The following SGK1 variants were observed in gnomAD, a reference collection of about 807,000 sequenced individuals.
SGK1 encodes serine/threonine-protein kinase Sgk1.
In SGK1, 26 loss-of-function variants were observed where a neutral mutation model predicts 64.2. The ratio of observed to expected loss-of-function variants is 0.40; its 90% CI spans 0.30 to 0.56. SGK1 has a LOEUF of 0.56. Ranked by LOEUF, SGK1 falls within the 20% of genes least tolerant of loss-of-function variation. SGK1 has a pLI of 0.38. For synonymous variants in SGK1, 265 were observed against 239.7 expected (o/e 1.11, Z -0.98); for missense variants, 519 against 645.6 (o/e 0.80, Z 2.12).
intron 1 of SGK1, among the ~76,000 whole-genome samples, chr6:134,315,919 C>T (rs1777678755): frequency 6.6e-6 from 1 of 152,110 alleles, no homozygotes; most frequent in Non-Finnish European, 1.5e-5. Flanking sequence ...TCATAAAGGG[C>T]TCTTCCCTTG....
intron 1 of SGK1, among the ~76,000 whole-genome samples, chr6:134,266,381 G>T (rs976438834): frequency 2.0e-5 from 3 of 152,104 alleles, no homozygotes; most frequent in Non-Finnish European, 4.4e-5. Flanking sequence ...TTGGGAGGCT[G>T]AGGCGTGTGG....
intron 1 of SGK1, chr6:134,297,527 G>C (rs1482148602): frequency 1.8e-6 from 1 of 551,830 alleles, no homozygotes; most frequent in Non-Finnish European, 3.5e-6. Flanking sequence ...TTTTGAGACA[G>C]AGTCTCACTC....
chr6:134,182,886 T>C (rs1775353158), intron 3 of SGK1, among the ~76,000 whole-genome samples: 1 of 152,242 alleles, frequency 6.6e-6, no homozygotes, highest in African/African-American at 2.4e-5. Context: ...ACCAAGTGTT[T>C]GCAGCAAAGA....
At chr6:134,184,915 G>A (rs968960053) in intron 3 of SGK1, among the ~76,000 whole-genome samples, 1 of 152,088 alleles carries the variant, frequency 6.6e-6, no homozygotes. Context: ...GAACTCCTGG[G>A]CTCCAGTGAT....
At chr6:134,307,952 A>G (rs1330802961) in intron 1 of SGK1, among the ~76,000 whole-genome samples, 2 of 152,222 alleles carry the variant, frequency 1.3e-5, no homozygotes, top group Non-Finnish European at 2.9e-5. Context: ...CCAGGCACAC[A>G]GACAGAACTG....
At chr6:134,178,520 C>T (rs994426347) in intron 3 of SGK1, among the ~76,000 whole-genome samples, 3 of 152,222 alleles carry the variant, frequency 2.0e-5, no homozygotes, top group Admixed American at 1.3e-4. Flanking sequence ...ATCTGTTCTT[C>T]CTTCCTGTCG....
chr6:134,313,472 G>T (rs1037514264), intron 1 of SGK1, among the ~76,000 whole-genome samples: 6 of 152,010 alleles, frequency 3.9e-5, no homozygotes, highest in Non-Finnish European at 7.4e-5. Context: ...TGGTTATTTT[G>T]TTCCTACTCT....
At chr6:134,216,440 TATC>T (rs1206393669) in intron 2 of SGK1, among the ~76,000 whole-genome samples, 1 of 152,234 alleles carries the variant, frequency 6.6e-6, no homozygotes, top group African/African-American at 2.4e-5. Flanking sequence ...CCCTGGCTGG[TATC>T]ATAGGATATA....
intron 5 of SGK1, 103 bp from the exon 6 acceptor site, chr6:134,173,669 C>G: frequency 1.3e-6 from 1 of 759,688 alleles, no homozygotes; most frequent in African/African-American, 1.8e-5. Context: ...ATGACTGATG[C>G]AAATGACCAT....
intron 2 of SGK1, among the ~76,000 whole-genome samples, chr6:134,252,180 T>C (rs1315290694): frequency 6.6e-6 from 1 of 152,176 alleles, no homozygotes; most frequent in African/African-American, 2.4e-5. Flanking sequence ...AATCCTGAGA[T>C]ATAAATCTTT....
chr6:134,284,471 TTTTCTTTC>T (rs537334682), intron 1 of SGK1, among the ~76,000 whole-genome samples: 3 of 145,240 alleles, frequency 2.1e-5, no homozygotes, highest in African/African-American at 7.5e-5. Flanking sequence ...ATATTTGGCT[TTTTCTTTC>T]TTTCTTTCTT....
At chr6:134,197,874 T>G (rs1775619661) in intron 3 of SGK1, among the ~76,000 whole-genome samples, 1 of 92,932 alleles carries the variant, frequency 1.1e-5, no homozygotes, top group South Asian at 3.0e-4. Flanking sequence ...TAAAATAAAA[T>G]AAAATATAAA....
chr6:134,247,866 C>T (rs184944784), intron 2 of SGK1, among the ~76,000 whole-genome samples: 28 of 152,310 alleles, frequency 1.8e-4, no homozygotes, highest in Middle Eastern at 3.4e-3. Flanking sequence ...TGTACTTGGT[C>T]TCTCTGACTT....
intron 1 of SGK1, among the ~76,000 whole-genome samples, chr6:134,292,137 T>G (rs1777276156): frequency 6.6e-6 from 1 of 152,162 alleles, no homozygotes; most frequent in South Asian, 2.1e-4. Flanking sequence ...CAAATCATTT[T>G]GTAGAAATTG....
At chr6:134,270,348 A>T (rs911301697) in intron 1 of SGK1, among the ~76,000 whole-genome samples, 1 of 147,608 alleles carries the variant, frequency 6.8e-6, no homozygotes, top group African/African-American at 2.4e-5. Flanking sequence ...CATAAGCATG[A>T]GAATAGCTTC....
chr6:134,286,713 C>T (rs916657944), intron 1 of SGK1, among the ~76,000 whole-genome samples: 1 of 151,948 alleles, frequency 6.6e-6, no homozygotes, highest in African/African-American at 2.4e-5. Flanking sequence ...GTGATCCGCC[C>T]GCCTCAGCCT....
chr6:134,249,287 A>T (rs1776571234), intron 2 of SGK1, among the ~76,000 whole-genome samples: 1 of 152,188 alleles, frequency 6.6e-6, no homozygotes. Context: ...CCTGAAGATG[A>T]TATATAGAAA....
intron 2 of SGK1, among the ~76,000 whole-genome samples, chr6:134,237,689 T>C (rs1386238873): frequency 6.6e-6 from 1 of 152,078 alleles, no homozygotes; most frequent in Non-Finnish European, 1.5e-5. Flanking sequence ...AACTAATAAA[T>C]AAATAATATT....
chr6:134,217,626 C>G (rs1007057729), intron 2 of SGK1, among the ~76,000 whole-genome samples: 2 of 152,210 alleles, frequency 1.3e-5, no homozygotes, highest in Admixed American at 1.3e-4. Context: ...GGTACATCAA[C>G]CGCCACGCTC....
Sources: allele counts gnomAD v4.1 joint callset (sites outside exome capture counted in the v4.1 genomes callset), GRCh38; gene constraint gnomAD v4.1.1; transcripts MANE v1.5; gene names NCBI Gene and HGNC (gene_info 2026-07-23, HGNC 2026-07-21).